LCOR: variants seen among roughly 807,000 people sequenced by gnomAD.
The protein encoded by LCOR is ligand dependent nuclear receptor corepressor, also known as ligand-dependent corepressor.
A neutral mutation model predicts 64.4 loss-of-function variants in LCOR; 14 were observed. The observed-to-expected ratio is 0.22, with a 90% CI of 0.14 to 0.34. The LOEUF is 0.34. Ranked by LOEUF, LCOR falls within the 10% of genes least tolerant of loss-of-function variation. The pLI, the probability that LCOR is intolerant of heterozygous loss-of-function variation, is 1.00. For synonymous variants in LCOR, 643 were observed against 642.5 expected, an observed-to-expected ratio of 1.00 and a Z score of -0.01; for missense variants, 1,686 against 1,765.3, an observed-to-expected ratio of 0.96 and a Z score of 0.80.
chr10:96,896,241 C>T (rs1313965461), intron 2 of LCOR, among the ~76,000 whole-genome samples: 23 of 151,996 alleles, frequency 1.5e-4, no homozygotes, highest in Admixed American at 1.5e-3. Flanking sequence ...TCACTATTAC[C>T]GTATAGTCAT....
intron 2 of LCOR, among the ~76,000 whole-genome samples, chr10:96,894,860 A>G (rs766018494): frequency 2.2e-4 from 34 of 152,212 alleles, no homozygotes; most frequent in Non-Finnish European, 3.5e-4. Flanking sequence ...CTTTATTTCA[A>G]TAACAGTGCC....
chr10:96,961,161 T>G (rs1847873106), intron 7 of LCOR: 1 of 152,144 alleles, frequency 6.6e-6, no homozygotes, highest in Non-Finnish European at 1.5e-5. Context: ...GCCATCTTGA[T>G]TTGATAGAAA....
chr10:96,891,436 TTTTTTCCGAGA>T (rs796589579), intron 2 of LCOR, among the ~76,000 whole-genome samples: 10 of 150,802 alleles, frequency 6.6e-5, no homozygotes, highest in African/African-American at 2.4e-4. Context: ...TCAATATTGA[TTTTTTCCGAGA>T]AATTTTGGGT....
rs1432865071 is a variant in LCOR, at chr10:96,867,209, TGTCGAACTC to T, written c.-330+33731_-330+33739del. On this transcript the variant is annotated intron_variant, in intron 2 of 7. Coordinates refer to ENST00000421806, the MANE Select transcript of LCOR (RefSeq NM_001346516.2). ...GGTTTCTCCATGTTGGTCAGGCTGA[TGTCGAACTC>T]CCGACCTCAGGTGATCCACCCGTCT... 2.6e-5 allele frequency among the ~76,000 whole-genome samples: 4 copies of T among 152,232 alleles called. No homozygotes were observed. In the South Asian group the frequency reaches 8.3e-4, roughly 32 times the overall value.
chr10:96,916,599 A>ATATC lies in LCOR; in HGVS notation c.-184+8855_-184+8856insCTAT, dbSNP rs200856090. Among the ~76,000 whole-genome samples the ATATC allele has an allele frequency of 5.0e-4, 74 of 148,862 alleles. 1 individual carries two copies. The highest frequency in any genetic ancestry group is 1.1e-3 in the African/African-American group (44 of 40,204). On this transcript the variant is annotated intron_variant, in intron 4 of 7. Transcript: ENST00000421806. ...AGATATTTAAAGGCTATATATATAT[A>ATATC]TATATATCTATATATATGATTATTT...
chr10:96,930,697 A>G (rs995664234), intron 4 of LCOR, among the ~76,000 whole-genome samples: 2 of 152,172 alleles, frequency 1.3e-5, no homozygotes, highest in East Asian at 1.9e-4. Context: ...GGTGTTGCCA[A>G]TGTGATAGTA....
At chr10:96,874,129 C>T (rs374975225) in intron 2 of LCOR, among the ~76,000 whole-genome samples, 41 of 152,290 alleles carry the variant, frequency 2.7e-4, no homozygotes, top group African/African-American at 8.9e-4. Flanking sequence ...GCATATATAT[C>T]GCGTGCTATA....
rs1371771053 is a variant in LCOR, at chr10:96,989,695, A to ATATATATTTTTT, written c.*4562_*4563insATATATTTTTTT. The ATATATATTTTTT allele has an allele frequency of 7.8e-4, 67 of 86,160 alleles. No homozygotes were observed. The highest frequency in any genetic ancestry group is 1.7e-3 in the African/African-American group (27 of 16,168). 5.3% of individuals were successfully genotyped at this position (86,160 alleles called of 1,614,324 possible). On this transcript the variant is annotated 3_prime_UTR_variant, in exon 8 of 8. Coordinates refer to ENST00000421806, the MANE Select transcript of LCOR (RefSeq NM_001346516.2). ...TAAGGATATATATATATATATATAT[A>ATATATATTTTTT]TTTTTTTTTTTTTTTTTTTTTTTTA...
At chr10:96,888,387 AAAAAG>A (rs1846382638) in intron 2 of LCOR, among the ~76,000 whole-genome samples, 2 of 149,868 alleles carry the variant, frequency 1.3e-5, no homozygotes, top group South Asian at 2.1e-4. Context: ...AAAAAAAAAA[AAAAAG>A]AACAGTATAT....
intron 7 of LCOR, among the ~76,000 whole-genome samples, chr10:96,964,960 C>G (rs919693828): frequency 1.3e-5 from 2 of 152,042 alleles, no homozygotes; most frequent in Non-Finnish European, 2.9e-5. Context: ...CTGATAATTC[C>G]TTTTACCAGA....
At chr10:96,920,853 A>C (rs568826396) in intron 4 of LCOR, among the ~76,000 whole-genome samples, 1 of 151,842 alleles carries the variant, frequency 6.6e-6, no homozygotes, top group South Asian at 2.1e-4. Flanking sequence ...GCTGGAGTAC[A>C]ATGGTGCAAA....
chr10:96,848,244 T>C (rs1845665776), intron 2 of LCOR, among the ~76,000 whole-genome samples: 2 of 152,364 alleles, frequency 1.3e-5, no homozygotes, highest in South Asian at 2.1e-4. Context: ...TCTCTTGTTA[T>C]ATCATGCTGC....
In LCOR at chr10:96,990,559, T is replaced by C. The variant is rs1264178307; in HGVS notation, c.*5425T>C. ...GACTTGAGGATCCAGTCTCTTTCCT[T>C]TATAGATAATTAGACTCAGGCAGAA... is the stretch of plus-strand genomic sequence containing the variant. On this transcript the variant is annotated 3_prime_UTR_variant, in exon 8 of 8. Transcript: ENST00000421806. 1 of 152,212 alleles carries C rather than the reference T, an allele frequency of 6.6e-6. No individual in the cohort carries two copies. The highest frequency in any genetic ancestry group is 1.5e-5 in the Non-Finnish European group (1 of 68,088). 9.4% of individuals were successfully genotyped at this position (152,212 alleles called of 1,614,324 possible).
At chr10:96,980,065 AC>A (rs1360598492) in intron 7 of LCOR, among the ~76,000 whole-genome samples, 1 of 151,854 alleles carries the variant, frequency 6.6e-6, no homozygotes, top group Non-Finnish European at 1.5e-5. Flanking sequence ...AATTGCTTGA[AC>A]CCAGGAGGCA....
intron 2 of LCOR, among the ~76,000 whole-genome samples, chr10:96,864,980 A>G (rs1344160073): frequency 6.6e-6 from 1 of 152,174 alleles, no homozygotes; most frequent in Admixed American, 6.5e-5. Flanking sequence ...GGTGGATTGG[A>G]GTAATAGAAA....
chr10:96,899,048 C>T (rs1022288440), intron 2 of LCOR, among the ~76,000 whole-genome samples: 10 of 151,970 alleles, frequency 6.6e-5, no homozygotes, highest in African/African-American at 2.2e-4. Flanking sequence ...CTCTATTTAA[C>T]CTGAATAACT....
chr10:96,978,120 C>G, intron 7 of LCOR, among the ~76,000 whole-genome samples: 1 of 152,170 alleles, frequency 6.6e-6, no homozygotes, highest in East Asian at 1.9e-4. Context: ...CAAAGTTCTT[C>G]CTAAAGGGGT....
chr10:96,923,330 C>G (rs573895828), intron 4 of LCOR, among the ~76,000 whole-genome samples: 3 of 152,334 alleles, frequency 2.0e-5, no homozygotes, highest in Non-Finnish European at 4.4e-5. Flanking sequence ...CAAATTTTCT[C>G]TATCCTATAG....
intron 2 of LCOR, among the ~76,000 whole-genome samples, chr10:96,848,606 T>C (rs938863514): frequency 6.6e-6 from 1 of 152,106 alleles, no homozygotes; most frequent in Non-Finnish European, 1.5e-5. Context: ...TGCAGTGAGC[T>C]GAGATCGCGC....
Sources: gnomAD v4.1 joint callset for allele counts (sites outside exome capture counted in the v4.1 genomes callset) on GRCh38, gnomAD v4.1.1 for gene constraint, MANE v1.5 for transcripts, NCBI Gene and HGNC (gene_info 2026-07-23, HGNC 2026-07-21) for gene names.